The following NCKAP5 variants were observed in gnomAD, a reference collection of about 807,000 sequenced individuals.
NCKAP5 encodes the protein NCK associated protein 5, also known as nck-associated protein 5.
Under a neutral mutation model 167.0 loss-of-function variants are expected in NCKAP5, and 92 were observed. The ratio of observed to expected loss-of-function variants is 0.55; its 90% CI spans 0.47 to 0.66. The LOEUF is 0.66. NCKAP5 is among the 30% of genes least tolerant of loss of function. The pLI is 0.00. For missense variants in NCKAP5, 2,378 were observed against 2,315.0 expected (o/e 1.03, Z -0.56); for synonymous variants, 891 against 877.4 (o/e 1.02, Z -0.27).
chr2:132,706,800 A>T (rs1283058284), intron 19 of NCKAP5, among the ~76,000 whole-genome samples: 1 of 152,220 alleles, frequency 6.6e-6, no homozygotes, highest in East Asian at 1.9e-4. Flanking sequence ...CAGGTCTCAC[A>T]AATGAGGAGA....
chr2:133,449,145 G>A (rs1366995738), intron 3 of NCKAP5, among the ~76,000 whole-genome samples: 3 of 152,118 alleles, frequency 2.0e-5, no homozygotes, highest in Non-Finnish European at 4.4e-5. Flanking sequence ...CAAAATCAAG[G>A]GTAGTTTTAG....
At chr2:133,045,274 A>T (rs1198446669) in intron 6 of NCKAP5, among the ~76,000 whole-genome samples, 1 of 152,088 alleles carries the variant, frequency 6.6e-6, no homozygotes, top group African/African-American at 2.4e-5. Flanking sequence ...GGAACAGAGG[A>T]ATACATACAG....
intron 8 of NCKAP5, among the ~76,000 whole-genome samples, chr2:132,903,929 T>C (rs1277568610): frequency 6.6e-6 from 1 of 152,190 alleles, no homozygotes; most frequent in East Asian, 1.9e-4. Context: ...TATATTACAA[T>C]TTATGTATTG....
At chr2:133,254,575 A>G (rs1440938380) in intron 4 of NCKAP5, among the ~76,000 whole-genome samples, 2 of 152,174 alleles carry the variant, frequency 1.3e-5, no homozygotes, top group Admixed American at 6.5e-5. Flanking sequence ...AACAGATAAT[A>G]TCAACAAGGA....
At chr2:132,920,253 CAGAT>C (rs1206687790) in intron 8 of NCKAP5, among the ~76,000 whole-genome samples, 1 of 152,080 alleles carries the variant, frequency 6.6e-6, no homozygotes, top group Non-Finnish European at 1.5e-5. Context: ...CCATTTCAAT[CAGAT>C]AGTTATGTGA....
At chr2:133,021,356 G>A (rs1196948019) in intron 6 of NCKAP5, among the ~76,000 whole-genome samples, 1 of 152,164 alleles carries the variant, frequency 6.6e-6, no homozygotes, top group Admixed American at 6.5e-5. Context: ...ATGAACAAAG[G>A]GGTCCTTAGC....
In NCKAP5 at chr2:132,783,278, G is replaced by C; in HGVS notation, c.3533C>G (p.Ala1178Gly). 2 of 1,613,902 alleles carry C rather than the reference G, an allele frequency of 1.2e-6. No individual in the cohort carries two copies. The highest frequency in any genetic ancestry group is 2.2e-5 in the East Asian group (1 of 44,848). ...GTTCACAGCCACGGAACTTTTGGAG[G>C]CTTCATTTAAACTGTCTTTTTCATG... ...GKHEKDSLNE[A>G]SKSSVAVNKS... is the part of the protein sequence containing the mutation. The change falls in exon 14 of 20, where the codon GCC becomes GGC. Residue 1178 changes from alanine (A) to glycine (G), a missense_variant. By Grantham distance (60) the Ala-to-Gly change is moderately conservative. Transcript: ENST00000409261.
intron 11 of NCKAP5, among the ~76,000 whole-genome samples, chr2:132,806,621 G>GT (rs1188400790): frequency 5.9e-5 from 9 of 151,908 alleles, no homozygotes; most frequent in African/African-American, 2.2e-4. Flanking sequence ...GGGATTGTTT[G>GT]TTTTTTTCTT....
intron 3 of NCKAP5, among the ~76,000 whole-genome samples, chr2:133,432,477 G>GT (rs1457784470): frequency 5.3e-5 from 8 of 152,146 alleles, no homozygotes; most frequent in Non-Finnish European, 1.0e-4. Flanking sequence ...CCCAGTGCCT[G>GT]TTGTTGCTAT....
intron 8 of NCKAP5, among the ~76,000 whole-genome samples, chr2:132,909,469 T>C (rs1422257373): frequency 6.6e-6 from 1 of 152,246 alleles, no homozygotes; most frequent in South Asian, 2.1e-4. Context: ...AAATTTCTTA[T>C]GCTAGGGTAT....
rs11901722 is a variant in NCKAP5, at chr2:133,343,334, C to T, written c.70-40224G>A. ...AAAAAATTCATAGGTTTAATATACA[C>T]ATATACATGAAGGTAAGAAACATGT... On this transcript the variant is annotated intron_variant, in intron 3 of 19. Coordinates refer to ENST00000409261, the MANE Select transcript of NCKAP5 (RefSeq NM_207363.3). Among the ~76,000 whole-genome samples the T allele has an allele frequency of 7.4e-3, 1,114 of 151,464 alleles. 17 individuals are homozygous for T. Among genetic ancestry groups the T allele is most frequent in the African/African-American group, 0.024 (977 of 41,254 alleles).
intron 5 of NCKAP5, among the ~76,000 whole-genome samples, chr2:133,165,821 T>A (rs190813618): frequency 1.1e-3 from 167 of 152,294 alleles, no homozygotes; most frequent in Middle Eastern, 3.4e-3. Flanking sequence ...TTTGTTCTCA[T>A]AAAAGGAAGA....
At chr2:133,094,764 T>C (rs1172249663) in intron 6 of NCKAP5, among the ~76,000 whole-genome samples, 1 of 152,176 alleles carries the variant, frequency 6.6e-6, no homozygotes, top group Admixed American at 6.5e-5. Flanking sequence ...TAATCATACA[T>C]GCCCTTTAAA....
At chr2:133,123,324 T>G (rs539235562) in intron 6 of NCKAP5, 1 of 152,674 alleles carries the variant, frequency 6.5e-6, no homozygotes, top group African/African-American at 2.4e-5. Flanking sequence ...GTTTTGGCTT[T>G]CCTTTGCATT....
rs1683485901 is a variant in NCKAP5 at position 132,785,450 on chromosome 2, GT to G, written c.1360del (p.Thr454GlnfsTer19). On this transcript the variant is annotated frameshift_variant, in exon 14 of 20. Coordinates refer to ENST00000409261, the MANE Select transcript of NCKAP5 (RefSeq NM_207363.3). LOFTEE classifies it high-confidence loss of function. ...CTTGCAGGGGCTCCCCAGGTCAGCT[GT>G]TTTGCAGGGGGGATACTCCTTGAGG... ...SSLKEYPPCK[T>X]ADLGSPCKEP... The G allele has an allele frequency of 6.2e-7, 1 of 1,613,652 alleles. No homozygotes were observed. The highest frequency in any genetic ancestry group is 1.3e-5 in the African/African-American group (1 of 74,920).
intron 8 of NCKAP5, among the ~76,000 whole-genome samples, chr2:132,904,985 TTC>T (rs912233292): frequency 2.0e-5 from 3 of 152,228 alleles, no homozygotes; most frequent in East Asian, 3.9e-4. Context: ...CAAATCAATC[TTC>T]TTTTTCCTTT....
intron 7 of NCKAP5, among the ~76,000 whole-genome samples, chr2:132,979,851 C>T (rs1218813840): frequency 6.6e-6 from 1 of 152,202 alleles, no homozygotes; most frequent in Non-Finnish European, 1.5e-5. Flanking sequence ...GCTGGCCACT[C>T]TACAGTAGAG....
At chr2:133,072,958 C>CA (rs1235389768) in intron 6 of NCKAP5, among the ~76,000 whole-genome samples, 3 of 152,004 alleles carry the variant, frequency 2.0e-5, no homozygotes, top group African/African-American at 7.2e-5. Context: ...CTAACTACAA[C>CA]AAAAAAACTC....
chr2:133,060,972 G>A (rs1239953304), intron 6 of NCKAP5, among the ~76,000 whole-genome samples: 2 of 151,622 alleles, frequency 1.3e-5, no homozygotes, highest in African/African-American at 4.9e-5. Context: ...TCTTGCCTAC[G>A]AAGCTGCAGC....
Sources: allele counts gnomAD v4.1 joint callset (sites outside exome capture counted in the v4.1 genomes callset), GRCh38; gene constraint gnomAD v4.1.1; transcripts MANE v1.5; gene names NCBI Gene and HGNC (gene_info 2026-07-23, HGNC 2026-07-21).